Variants in NEK4 observed in about 807,000 individuals in gnomAD.
NEK4 encodes serine/threonine-protein kinase Nek4.
Under a neutral mutation model 98.4 loss-of-function variants are expected in NEK4, and 86 were observed. That is an observed-to-expected ratio of 0.87 (90% CI 0.73 to 1.05). The LOEUF (loss-of-function observed/expected upper bound fraction) is 1.05, where lower values mean the gene tolerates loss of function less well. Among genes scored for constraint, NEK4 ranks in the 50% least tolerant of loss-of-function variants. NEK4 has a pLI of 0.00. For synonymous variants in NEK4, 328 were observed against 342.2 expected (o/e 0.96, Z 0.46); for missense variants, 898 against 950.3 (o/e 0.94, Z 0.72).
chr3:52,769,548 TC>T (rs1248176960), intron 1 of NEK4, among the ~76,000 whole-genome samples: 1 of 152,198 alleles, frequency 6.6e-6, no homozygotes, highest in African/African-American at 2.4e-5. Flanking sequence ...TATTGCTAGT[TC>T]CCTATCATCA....
chr3:52,737,788 T>A, intron 14 of NEK4, 69 bp from the exon 15 acceptor site: 1 of 1,123,744 alleles, frequency 8.9e-7, no homozygotes, highest in Non-Finnish European at 1.2e-6. Context: ...ACACTGCAAT[T>A]TTTTAAAATT....
At chr3:52,762,425 C>T (rs1445067971) in intron 5 of NEK4, among the ~76,000 whole-genome samples, 2 of 151,830 alleles carry the variant, frequency 1.3e-5, no homozygotes, top group Non-Finnish European at 2.9e-5. Flanking sequence ...GCAGTGAGCC[C>T]AGAGTAGTGC....
intron 15 of NEK4, among the ~76,000 whole-genome samples, chr3:52,731,806 C>A (rs1405740239): frequency 6.6e-6 from 1 of 152,216 alleles, no homozygotes; most frequent in Non-Finnish European, 1.5e-5. Flanking sequence ...TGTGTCTCCA[C>A]CCAAATCTCA....
chr3:52,716,125 T>C (rs1268432250), intron 15 of NEK4, among the ~76,000 whole-genome samples: 1 of 152,192 alleles, frequency 6.6e-6, no homozygotes, highest in Non-Finnish European at 1.5e-5. Flanking sequence ...CTGGACCCCA[T>C]GCTCACTCCC....
At chr3:52,713,982 T>G (rs2097352799) in intron 15 of NEK4, among the ~76,000 whole-genome samples, 1 of 151,974 alleles carries the variant, frequency 6.6e-6, no homozygotes, top group Non-Finnish European at 1.5e-5. Context: ...CATCTGTAAT[T>G]CCAGCACTTT....
chr3:52,747,620 C>T (rs978786425), intron 8 of NEK4, among the ~76,000 whole-genome samples: 3 of 151,824 alleles, frequency 2.0e-5, no homozygotes, highest in Non-Finnish European at 2.9e-5. Context: ...AATGGCCAAA[C>T]GCTCCATGCC....
Position 52,711,579 on chromosome 3 carries a change from GTTT to G in NEK4, c.*195_*197del. ...TCACAAAGAGAATATGAAAGCCAAA[GTTT>G]TTTTTCTTTTGTGATCCTGCTTCAT... On this transcript the variant is annotated 3_prime_UTR_variant, in exon 16 of 16. Transcript: ENST00000233027. The G allele has an allele frequency of 2.4e-6, 1 of 420,864 alleles. No homozygotes were observed. The highest frequency in any genetic ancestry group is 4.2e-6 in the Non-Finnish European group (1 of 236,166). 26.1% of individuals were successfully genotyped at this position (420,864 alleles called of 1,614,324 possible).
chr3:52,766,178 C>G lies in NEK4; in HGVS notation c.558G>C (p.Lys186Asn), dbSNP rs1578708094. 1 of 1,613,210 alleles carries G rather than the reference C, an allele frequency of 6.2e-7. No individual in the cohort carries two copies. The highest frequency in any genetic ancestry group is 8.5e-7 in the Non-Finnish European group (1 of 1,179,244). Residue 186 changes from lysine to asparagine, a missense_variant and splice_region_variant, in exon 3 of 16, where the codon AAG (lysine) becomes AAC (asparagine). By Grantham distance (94) the Lys-to-Asn change is moderately conservative. Coordinates refer to ENST00000233027, the MANE Select transcript of NEK4 (RefSeq NM_003157.6). ...GCCAGCATACAGAGCCCAATCCTACCTTATAGTTGTAGGGTTTGTTTGAGA... is the reference window on the plus strand; with the variant it reads ...GCCAGCATACAGAGCCCAATCCTACGTTATAGTTGTAGGGTTTGTTTGAGA... ...ELFSNKPYNYKSDVWALGCCV... is the reference protein window; with the variant it reads ...ELFSNKPYNYNSDVWALGCCV...
intron 5 of NEK4, among the ~76,000 whole-genome samples, chr3:52,762,744 G>T (rs1382945141): frequency 6.6e-6 from 1 of 152,188 alleles, no homozygotes; most frequent in Non-Finnish European, 1.5e-5. Context: ...AGCCGGGCAC[G>T]GTGGCGGGTG....
chr3:52,721,565 CA>C (rs1353587448), intron 15 of NEK4, among the ~76,000 whole-genome samples: 49 of 148,966 alleles, frequency 3.3e-4, no homozygotes, highest in African/African-American at 9.3e-4. Context: ...CTGTCTCTAC[CA>C]AAAAAAAAAA....
rs752257432 is a variant in NEK4, at chr3:52,737,752, T to TA, written c.2300-34dup. The TA allele has an allele frequency of 1.7e-5, 27 of 1,561,756 alleles. 1 individual carries two copies. In the Admixed American group the frequency reaches 5.0e-4, roughly 29 times the overall value. On this transcript the variant is annotated intron_variant, in intron 14 of 15. Coordinates refer to ENST00000233027, the MANE Select transcript of NEK4 (RefSeq NM_003157.6). ...GCAACAACAAAGACAAAGGGAAAAA[T>TA]AAACACTTTTACCACTATAGCAAGA...
At chr3:52,725,782 AAAG>A (rs1409726364) in intron 15 of NEK4, among the ~76,000 whole-genome samples, 2 of 152,160 alleles carry the variant, frequency 1.3e-5, no homozygotes, top group Non-Finnish European at 2.9e-5. Context: ...ACTAAACACA[AAAG>A]AAGACAGTAA....
chr3:52,722,356 C>A (rs775863643), intron 15 of NEK4, among the ~76,000 whole-genome samples: 3 of 152,090 alleles, frequency 2.0e-5, no homozygotes, highest in Non-Finnish European at 4.4e-5. Context: ...CTGGGGCACA[C>A]CAGCATGGCT....
chr3:52,762,170 C>T lies in NEK4; in HGVS notation c.822-1234G>A, dbSNP rs1331799468. Among the ~76,000 whole-genome samples, 3 of 152,166 alleles carry T rather than the reference C, an allele frequency of 2.0e-5. No individual in the cohort carries two copies. In the East Asian group the frequency reaches 5.8e-4, roughly 29 times the overall value. On this transcript the variant is annotated intron_variant, in intron 5 of 15. Coordinates refer to ENST00000233027, the MANE Select transcript of NEK4 (RefSeq NM_003157.6). ...GCCCTAAGTCTTAGATCCTGGAACA[C>T]CTGTTTAGTAAAGGTAGGATCTGCA...
chr3:52,739,679 G>C, intron 13 of NEK4, 45 bp from the exon 14 acceptor site: 1 of 1,519,884 alleles, frequency 6.6e-7, no homozygotes, highest in Non-Finnish European at 9.1e-7. Context: ...GGCTTCATGA[G>C]AATTTTTCAT....
intron 15 of NEK4, among the ~76,000 whole-genome samples, chr3:52,735,457 T>A (rs1203828757): frequency 1.3e-5 from 2 of 152,228 alleles, no homozygotes; most frequent in African/African-American, 2.4e-5. Flanking sequence ...AAATGGACAT[T>A]ATAAGTTCTT....
Position 52,708,810 on chromosome 3 carries a change from C to G in NEK4, c.*2967G>C, listed in dbSNP as rs1413967717. On this transcript the variant is annotated 3_prime_UTR_variant, in exon 16 of 16. Transcript: ENST00000233027. ...ATATTCAGTAACACTGCAGTGTAGC[C>G]AGAGCAAGGACATAAAACTTCCTTA... 6.6e-6 allele frequency: 1 copy of G among 151,792 alleles called. No individual in the cohort carries two copies. Among genetic ancestry groups the G allele is most frequent in the African/African-American group, 2.4e-5 (1 of 41,358 alleles). The allele number at this position is 151,792 out of a possible 1,614,324, so 9.4% of individuals were successfully genotyped here. A position where few individuals can be genotyped will look rare whatever the true frequency, so the allele number is the denominator to read the frequency against.
At chr3:52,725,408 G>A (rs1269004951) in intron 15 of NEK4, among the ~76,000 whole-genome samples, 3 of 152,002 alleles carry the variant, frequency 2.0e-5, no homozygotes, top group Non-Finnish European at 2.9e-5. Context: ...CCAGCTACTC[G>A]GGAGGCTGAG....
At chr3:52,719,064 C>A (rs1264604359) in intron 15 of NEK4, among the ~76,000 whole-genome samples, 5 of 152,178 alleles carry the variant, frequency 3.3e-5, no homozygotes, top group African/African-American at 1.2e-4. Flanking sequence ...GCCTACACCC[C>A]CTTTAAAAGT....
Sources: gnomAD v4.1 joint callset for allele counts (sites outside exome capture counted in the v4.1 genomes callset) on GRCh38, gnomAD v4.1.1 for gene constraint, MANE v1.5 for transcripts, NCBI Gene and HGNC (gene_info 2026-07-23, HGNC 2026-07-21) for gene names.